Variants in COL18A1 observed in about 807,000 individuals in gnomAD.
The protein encoded by COL18A1 is collagen type XVIII alpha 1 chain, also known as collagen alpha-1(XVIII) chain.
In COL18A1, 133 loss-of-function variants were observed where a neutral mutation model predicts 168.0. The observed-to-expected ratio is 0.79, with a 90% CI of 0.69 to 0.91. The LOEUF is 0.91. COL18A1 is among the 40% of genes least tolerant of loss of function. The probability of loss-of-function intolerance (pLI) is 0.00; values close to 1 mark genes in which losing one functional copy is unlikely to be tolerated. For missense variants in COL18A1, 2,126 were observed against 1,925.4 expected (o/e 1.10, Z -1.95); for synonymous variants, 949 against 809.0 (o/e 1.17, Z -2.94).
rs562277681 is a variant in COL18A1, at chr21:45,437,814, GCA to G, written c.107-30422_107-30421del. On this transcript the variant is annotated intron_variant, in intron 2 of 41. Transcript: ENST00000651438. ...CACACAGACACACAGGCACTCTCCT[GCA>G]CACACTCACACTCAGACAAGCACTC... Among the ~76,000 whole-genome samples, 8 of 43,216 alleles carry G rather than the reference GCA, an allele frequency of 1.9e-4. 1 individual carries two copies. Among genetic ancestry groups the G allele is most frequent in the South Asian group, 7.3e-4 (1 of 1,370 alleles). 28.4% of individuals were successfully genotyped at this position (43,216 alleles called of 152,430 possible).
At chr21:45,451,508 C>G (rs894576681) in intron 2 of COL18A1, among the ~76,000 whole-genome samples, 1 of 152,146 alleles carries the variant, frequency 6.6e-6, no homozygotes, top group Non-Finnish European at 1.5e-5. Context: ...ACGGGGTTGG[C>G]GAGCCATGCT....
At chr21:45,456,119 TCCCTGGGCAGG>T in intron 2 of COL18A1, 3 of 1,585,874 alleles carry the variant, frequency 1.9e-6, no homozygotes, top group Non-Finnish European at 1.7e-6. Context: ...ATCGCCTCCC[TCCCTGGGCAGG>T]CCCTGGGCAC....
In COL18A1 at chr21:45,484,308, C is replaced by G. The variant is rs375408150; in HGVS notation, c.1701+1487C>G. Among the ~76,000 whole-genome samples the G allele has an allele frequency of 5.1e-3, 721 of 142,260 alleles. 12 individuals are homozygous for G. The highest frequency in any genetic ancestry group is 0.018 in the African/African-American group (687 of 37,200). The allele number at this position is 142,260 out of a possible 152,430, so 93.3% of individuals were successfully genotyped here. ...CTCCAGCATATGTGCACACACACACCTCCAGCATACATGCACACACATGCA... is the reference window on the plus strand; with the variant it reads ...CTCCAGCATATGTGCACACACACACGTCCAGCATACATGCACACACATGCA... On this transcript the variant is annotated intron_variant, in intron 15 of 41. Transcript: ENST00000651438.
intron 3 of COL18A1, among the ~76,000 whole-genome samples, chr21:45,469,260 A>G (rs2145893295): frequency 6.6e-6 from 1 of 152,350 alleles, no homozygotes; most frequent in South Asian, 2.1e-4. Context: ...AGGCCCAGCC[A>G]CACGCCTCGT....
chr21:45,498,645 G>C lies in COL18A1; in HGVS notation c.2683+984G>C. ...GGCAAAGGCAGGCAGAAAGCAAGCG[G>C]GAAGATGGAAGATGTGCCCATGCCA... On this transcript the variant is annotated intron_variant, in intron 32 of 41. Transcript: ENST00000651438. The surrounding 1 kb of genome is among the most constrained non-coding windows in gnomAD (Gnocchi z 4.5). 1 of 696,478 alleles carries C rather than the reference G, an allele frequency of 1.4e-6. No homozygotes were observed. The highest frequency in any genetic ancestry group is 2.7e-6 in the Non-Finnish European group (1 of 372,080). The allele number at this position is 696,478 out of a possible 1,614,324, so 43.1% of individuals were successfully genotyped here. A position where few individuals can be genotyped will look rare whatever the true frequency, so the allele number is the denominator to read the frequency against.
In COL18A1 at chr21:45,505,123, G is replaced by A. The variant is rs566226316; in HGVS notation, c.2869-11G>A. On this transcript the variant is annotated splice_polypyrimidine_tract_variant and intron_variant, in intron 34 of 41. Coordinates refer to ENST00000651438, the MANE Select transcript of COL18A1 (RefSeq NM_001379500.1). ...AGGTAACCAGGAAGCGTCTCTTGTC[G>A]CCGTCCGTAGGGTCCCAAGGGAGAG... is the stretch of plus-strand genomic sequence containing the variant. The A allele has an allele frequency of 6.4e-5, 103 of 1,606,862 alleles. No individual in the cohort carries two copies. The highest frequency in any genetic ancestry group is 4.2e-4 in the Admixed American group (25 of 59,588).
rs144147445 is a variant in COL18A1 at position 45,510,178 on chromosome 21, G to A, written c.3610G>A (p.Ala1204Thr). The A allele has an allele frequency of 0.016, 25,232 of 1,597,036 alleles. 248 individuals are homozygous for A. Among genetic ancestry groups the A allele is most frequent in the South Asian group, 0.023 (2,021 of 88,912 alleles). ...RAVGLAGTFR[A>T]FLSSRLQDLY... The stretch of plus-strand genomic sequence containing the variant: ...CGTGGGGCTGGCGGGCACCTTCCGC[G>A]CCTTCCTGTCCTCGCGCCTGCAGGA... Residue 1204 changes from alanine to threonine, a missense_variant, in exon 40 of 42, where the codon GCC becomes ACC. Ala to Thr is a moderately conservative substitution (Grantham distance 58). Coordinates refer to ENST00000651438, the MANE Select transcript of COL18A1 (RefSeq NM_001379500.1).
intron 32 of COL18A1, chr21:45,502,489 G>A (rs536190519): frequency 1.3e-5 from 2 of 152,212 alleles, no homozygotes; most frequent in Non-Finnish European, 2.9e-5. Flanking sequence ...AAAATAGATG[G>A]GAAGAAGTAT....
chr21:45,499,479 T>C (rs1349246866), intron 32 of COL18A1, among the ~76,000 whole-genome samples: 19 of 129,510 alleles, frequency 1.5e-4, no homozygotes, highest in African/African-American at 5.6e-4. Flanking sequence ...CCAGGAACAG[T>C]GGGGTCAGAG....
chr21:45,407,743 CCCCTGCCT>C (rs1361662424), intron 2 of COL18A1: 1 of 152,610 alleles, frequency 6.6e-6, no homozygotes, highest in Non-Finnish European at 1.5e-5. Context: ...TCAAGCTCTA[CCCCTGCCT>C]CCCTGCAGCC....
chr21:45,496,452 G>T, intron 29 of COL18A1, 48 bp from the exon 30 acceptor site: 1 of 844,494 alleles, frequency 1.2e-6, no homozygotes, highest in Non-Finnish European at 2.1e-6. Context: ...CCCAGCTGCT[G>T]CCTGACAGGC....
intron 12 of COL18A1, 88 bp downstream of exon 12, chr21:45,480,608 T>TG (rs906832289): frequency 1.2e-6 from 2 of 1,612,772 alleles, no homozygotes; most frequent in African/African-American, 1.3e-5. Context: ...TGGGGTCCTG[T>TG]GGGGGGTGGG....
At chr21:45,476,501 G>GGT in intron 6 of COL18A1, 21 bp downstream of exon 6, 7 of 1,581,058 alleles carry the variant, frequency 4.4e-6, no homozygotes, top group Non-Finnish European at 6.0e-6. Flanking sequence ...TTCTGGATGT[G>GGT]GTGTGTGTGT....
At chr21:45,487,775 C>T (rs375795766) in intron 17 of COL18A1, among the ~76,000 whole-genome samples, 89 of 152,288 alleles carry the variant, frequency 5.8e-4, no homozygotes, top group African/African-American at 2.0e-3. Context: ...AACACGGGGC[C>T]GCATGCCCCC....
chr21:45,449,066 A>G (rs2034565214), intron 2 of COL18A1, among the ~76,000 whole-genome samples: 1 of 152,094 alleles, frequency 6.6e-6, no homozygotes, highest in Non-Finnish European at 1.5e-5. Context: ...GAAGATGTCT[A>G]AAGTGTCTTT....
rs1218410031 is a variant in COL18A1, at chr21:45,471,152, G to A, written c.651+2366G>A. ...GGCCTTGTGCTGCTGGGCGTGGGTG[G>A]CGTGCAGCAGGCCGTGTGCTGCTGG... On this transcript the variant is annotated intron_variant, in intron 3 of 41. Coordinates refer to ENST00000651438, the MANE Select transcript of COL18A1 (RefSeq NM_001379500.1). The surrounding 1 kb of genome is among the most constrained non-coding windows in gnomAD (Gnocchi z 4.4). Among the ~76,000 whole-genome samples, 1 of 151,610 alleles carries A rather than the reference G, an allele frequency of 6.6e-6. No individual in the cohort carries two copies. Among genetic ancestry groups the A allele is most frequent in the Non-Finnish European group, 1.5e-5 (1 of 67,834 alleles).
At chr21:45,441,842 A>G (rs1894150259) in intron 2 of COL18A1, among the ~76,000 whole-genome samples, 1 of 152,190 alleles carries the variant, frequency 6.6e-6, no homozygotes, top group Admixed American at 6.5e-5. Flanking sequence ...TGCTGGGAAC[A>G]CGGCTCTCTC....
At position 45,493,486 on chromosome 21, in the gene COL18A1, C is replaced by T. The variant is rs947953025; in HGVS notation, c.2278-15C>T. The stretch of plus-strand genomic sequence containing the variant: ...GGAGCTGGCCCTGACTCTGCTGGAC[C>T]TCCTGCCATTCCAGGGTGAGAAGGG... On this transcript the variant is annotated splice_polypyrimidine_tract_variant and intron_variant, in intron 25 of 41. Coordinates refer to ENST00000651438, the MANE Select transcript of COL18A1 (RefSeq NM_001379500.1). The T allele has an allele frequency of 3.2e-6, 5 of 1,554,122 alleles. No individual in the cohort carries two copies. The highest frequency in any genetic ancestry group is 1.2e-5 in the South Asian group (1 of 84,306).
chr21:45,446,385 T>C (rs998373025), intron 2 of COL18A1, among the ~76,000 whole-genome samples: 1 of 152,212 alleles, frequency 6.6e-6, no homozygotes, highest in African/African-American at 2.4e-5. Context: ...AATCCAATAC[T>C]ATGAACAAAA....
Sources: allele counts gnomAD v4.1 joint callset (sites outside exome capture counted in the v4.1 genomes callset), GRCh38; gene constraint gnomAD v4.1.1; non-coding constraint Gnocchi (gnomAD v3.1); transcripts MANE v1.5; gene names NCBI Gene and HGNC (gene_info 2026-07-23, HGNC 2026-07-21).